EYS: variants seen among roughly 807,000 people sequenced by gnomAD.
EYS encodes the protein EGF-like photoreceptor maintenance factor, also known as protein eyes shut homolog.
In EYS, 250 loss-of-function variants were observed where a neutral mutation model predicts 282.1. The observed-to-expected ratio is 0.89, with a 90% CI of 0.80 to 0.98. The LOEUF is 0.98. Among genes scored for constraint, EYS ranks in the 50% least tolerant of loss-of-function variants. The pLI is 0.00. For missense variants in EYS, 4,016 were observed against 3,709.0 expected (o/e 1.08, Z -2.15); for synonymous variants, 1,355 against 1,282.9 (o/e 1.06, Z -1.20).
intron 19 of EYS, among the ~76,000 whole-genome samples, chr6:64,836,280 T>A (rs567375092): frequency 1.0e-4 from 15 of 150,678 alleles, no homozygotes; most frequent in African/African-American, 3.6e-4. Context: ...ATATCATGAA[T>A]ATATTATGAT....
At chr6:64,391,356 T>G (rs111691104) in intron 28 of EYS, among the ~76,000 whole-genome samples, 16 of 151,710 alleles carry the variant, frequency 1.1e-4, no homozygotes, top group Admixed American at 1.1e-3. Flanking sequence ...AAGGAAAAAA[T>G]GTTAAGGGCA....
intron 36 of EYS, among the ~76,000 whole-genome samples, chr6:63,828,285 G>C (rs1771529609): frequency 6.6e-6 from 1 of 152,090 alleles, no homozygotes. Flanking sequence ...TAAATGAAAT[G>C]AAAAGCTGGT....
chr6:64,571,204 G>A (rs570958773), intron 26 of EYS, among the ~76,000 whole-genome samples: 2 of 152,178 alleles, frequency 1.3e-5, no homozygotes, highest in African/African-American at 2.4e-5. Flanking sequence ...CAAAATTAAG[G>A]CAGAAATAAA....
At chr6:64,861,744 C>G (rs1562230661) in intron 19 of EYS, among the ~76,000 whole-genome samples, 1 of 152,180 alleles carries the variant, frequency 6.6e-6, no homozygotes, top group Non-Finnish European at 1.5e-5. Context: ...TATTACATTG[C>G]TGTCATTCAT....
At chr6:65,296,227 G>T in intron 11 of EYS, 108 bp from the exon 12 acceptor site, 1 of 1,177,686 alleles carries the variant, frequency 8.5e-7, no homozygotes, top group Non-Finnish European at 1.2e-6. Context: ...AATATTTAAT[G>T]AAGATAGTTG....
intron 33 of EYS, among the ~76,000 whole-genome samples, chr6:64,047,471 G>T (rs1048564281): frequency 6.6e-6 from 1 of 152,160 alleles, no homozygotes; most frequent in African/African-American, 2.4e-5. Flanking sequence ...TACTTGATGG[G>T]CGTGCAGAAC....
intron 29 of EYS, among the ~76,000 whole-genome samples, chr6:64,354,233 G>GA (rs1336960396): frequency 9.2e-5 from 14 of 151,658 alleles, no homozygotes; most frequent in African/African-American, 3.4e-4. Context: ...ATCTTTTCTG[G>GA]AAAATATATA....
At chr6:65,080,790 C>A (rs909117482) in intron 12 of EYS, among the ~76,000 whole-genome samples, 2 of 152,018 alleles carry the variant, frequency 1.3e-5, no homozygotes, top group East Asian at 1.9e-4. Flanking sequence ...GCTAGAAACA[C>A]AATGTGCTAT....
chr6:64,507,009 A>G (rs1028979023), intron 26 of EYS, among the ~76,000 whole-genome samples: 29 of 148,308 alleles, frequency 2.0e-4, no homozygotes, highest in African/African-American at 6.7e-4. Context: ...TCGCTCTGGA[A>G]TATGAAAAAT....
At chr6:63,988,748 G>A (rs928214171) in intron 34 of EYS, among the ~76,000 whole-genome samples, 1 of 151,584 alleles carries the variant, frequency 6.6e-6, no homozygotes, top group Non-Finnish European at 1.5e-5. Context: ...AATCAAGGAG[G>A]AATCATGAAA....
At chr6:65,507,317 G>GT (rs1186934557) in intron 2 of EYS, among the ~76,000 whole-genome samples, 3 of 151,904 alleles carry the variant, frequency 2.0e-5, no homozygotes, top group Admixed American at 6.6e-5. Flanking sequence ...TAGAAAAAGT[G>GT]TTTTTTTAAT....
intron 5 of EYS, among the ~76,000 whole-genome samples, chr6:65,480,080 G>A (rs546563710): frequency 8.6e-5 from 13 of 151,924 alleles, no homozygotes; most frequent in East Asian, 3.9e-4. Context: ...CAGGAGAATC[G>A]CTTGAACCCA....
At chr6:65,590,386 TAC>T (rs1391663167) in intron 2 of EYS, among the ~76,000 whole-genome samples, 1 of 152,112 alleles carries the variant, frequency 6.6e-6, no homozygotes, top group Non-Finnish European at 1.5e-5. Flanking sequence ...ATTTATGGGA[TAC>T]AGTGTGATGT....
chr6:64,967,472 C>A (rs1226992820), intron 14 of EYS, among the ~76,000 whole-genome samples: 1 of 151,918 alleles, frequency 6.6e-6, no homozygotes, highest in Non-Finnish European at 1.5e-5. Context: ...TTAGAGCAAC[C>A]ACACCTGGCT....
rs545333031 is a variant in EYS at position 64,546,251 on chromosome 6, G to A, written c.5644+43972C>T. On this transcript the variant is annotated intron_variant, in intron 26 of 42. Transcript: ENST00000503581. ...CAACCATCTGATCTTTGACAAACCTGACAAAAACAAGAAATGGGGAAATGA... is the reference window on the plus strand; with the variant it reads ...CAACCATCTGATCTTTGACAAACCTAACAAAAACAAGAAATGGGGAAATGA... Among the ~76,000 whole-genome samples, 471 of 152,192 alleles carry A rather than the reference G, an allele frequency of 3.1e-3. 6 individuals are homozygous for A. Among genetic ancestry groups the A allele is most frequent in the Non-Finnish European group, 4.6e-3 (314 of 68,002 alleles).
chr6:65,585,089 A>T (rs1764999194), intron 2 of EYS, among the ~76,000 whole-genome samples: 1 of 151,862 alleles, frequency 6.6e-6, no homozygotes, highest in African/African-American at 2.4e-5. Context: ...TTTAAATACT[A>T]CTAAGACCAC....
At chr6:65,209,104 C>T (rs931920695) in intron 12 of EYS, among the ~76,000 whole-genome samples, 1 of 151,718 alleles carries the variant, frequency 6.6e-6, no homozygotes, top group African/African-American at 2.4e-5. Flanking sequence ...AAAGTAAGCC[C>T]TATTTTTGTT....
At chr6:64,320,179 A>AT (rs1279202263) in intron 29 of EYS, among the ~76,000 whole-genome samples, 1 of 151,904 alleles carries the variant, frequency 6.6e-6, no homozygotes, top group Non-Finnish European at 1.5e-5. Context: ...TCAGTGATAA[A>AT]TTTTTTATTA....
chr6:64,318,748 T>A, intron 29 of EYS, among the ~76,000 whole-genome samples: 1 of 151,854 alleles, frequency 6.6e-6, no homozygotes, highest in East Asian at 1.9e-4. Flanking sequence ...ATGTGTGTGA[T>A]TTTTTATTTA....
Sources: gnomAD v4.1 joint callset for allele counts (sites outside exome capture counted in the v4.1 genomes callset) on GRCh38, gnomAD v4.1.1 for gene constraint, MANE v1.5 for transcripts, NCBI Gene and HGNC (gene_info 2026-07-23, HGNC 2026-07-21) for gene names.